The following SEC16A variants were observed in gnomAD, a reference collection of about 807,000 sequenced individuals.
SEC16A encodes protein transport protein Sec16A.
Under a neutral mutation model 221.9 loss-of-function variants are expected in SEC16A, and 110 were observed. That is an observed-to-expected ratio of 0.50 (90% CI 0.42 to 0.58). The LOEUF is 0.58. SEC16A is among the 20% of genes least tolerant of loss of function. The pLI, the probability that SEC16A is intolerant of heterozygous loss-of-function variation, is 0.00. For missense variants in SEC16A, 3,165 were observed against 3,097.8 expected, an observed-to-expected ratio of 1.02 and a Z score of -0.52; for synonymous variants, 1,393 against 1,257.7, an observed-to-expected ratio of 1.11 and a Z score of -2.28.
Position 136,466,089 on chromosome 9 carries a change from G to T in SEC16A, c.4176C>A (p.Ala1392=). Residue 1392 remains alanine (A), a synonymous_variant, in exon 8 of 32, where the codon GCC becomes GCA. Coordinates refer to ENST00000684901, the MANE Select transcript of SEC16A (RefSeq NM_014866.2). The surrounding 1 kb of genome is among the most constrained non-coding windows in gnomAD (Gnocchi z 5.5). ...SHNVAAGSYE[A]PLPPGSFHGD... is the part of the protein sequence containing the mutation. ...CGTGAAAGGAGCCTGGAGGAAGCGGGGCCTCGTAGGAACCGGCAGCCACAT... is the reference window on the plus strand; with the variant it reads ...CGTGAAAGGAGCCTGGAGGAAGCGGTGCCTCGTAGGAACCGGCAGCCACAT... The T allele has an allele frequency of 6.2e-7, 1 of 1,609,020 alleles. No homozygotes were observed. The highest frequency in any genetic ancestry group is 8.5e-7 in the Non-Finnish European group (1 of 1,176,768).
At position 136,476,848 on chromosome 9, in the gene SEC16A, T is replaced by C. The variant is rs765700555; in HGVS notation, c.768A>G (p.Leu256=). 1.4e-5 allele frequency: 22 copies of C among 1,612,516 alleles called. No individual in the cohort carries two copies. The Admixed American group carries it at 3.3e-4, about 24-fold the overall frequency. Residue 256 remains leucine (L), a synonymous_variant, in exon 3 of 32, where the codon CTA becomes CTG. Transcript: ENST00000684901. ...GTTGCTCATGACCAGGGCCCTGATG[T>C]AGGATGGACGGGGTGGGGAAATGAG... ...SVPHFPTPSI[L]HQGPGHEQHS...
Position 136,466,790 on chromosome 9 carries a change from C to A in SEC16A, c.3929+167G>T, listed in dbSNP as rs1349635205. On this transcript the variant is annotated intron_variant, in intron 6 of 31. Coordinates refer to ENST00000684901, the MANE Select transcript of SEC16A (RefSeq NM_014866.2). This position sits in a 1 kb window ranked among gnomAD's most constrained non-coding sequence, Gnocchi z 5.5. ...CCTCTAACAGTCCAAGCTGGGAACC[C>A]TGGGAGGGTCTGCTCCCTCCTTCCT... is the stretch of plus-strand genomic sequence containing the variant. Among the ~76,000 whole-genome samples, 2 of 152,196 alleles carry A rather than the reference C, an allele frequency of 1.3e-5. No individual in the cohort carries two copies. The highest frequency in any genetic ancestry group is 4.8e-5 in the African/African-American group (2 of 41,442).
At chr9:136,484,381 A>T, upstream of SEC16A, 1 of 1,189,094 alleles carries the variant, frequency 8.4e-7, no homozygotes. Flanking sequence ...ACAGGTGGGC[A>T]CTATCCTCTG....
In SEC16A at chr9:136,466,937, C is replaced by T; in HGVS notation, c.3929+20G>A. 2 of 1,608,574 alleles carry T rather than the reference C, an allele frequency of 1.2e-6. No individual in the cohort carries two copies. The highest frequency in any genetic ancestry group is 8.5e-7 in the Non-Finnish European group (1 of 1,177,878). Reference sequence around the variant, plus strand: ...CCTGGCTGCCCCCAGCCTCTGCCTCCCCAGGGGTGCTCCACCAACCTGTCC... The same window carrying T: ...CCTGGCTGCCCCCAGCCTCTGCCTCTCCAGGGGTGCTCCACCAACCTGTCC... On this transcript the variant is annotated intron_variant, in intron 6 of 31. Transcript: ENST00000684901. This position sits in a 1 kb window ranked among gnomAD's most constrained non-coding sequence, Gnocchi z 5.5.
At chr9:136,469,843 G>C (rs1427060745) in intron 4 of SEC16A, among the ~76,000 whole-genome samples, 1 of 152,236 alleles carries the variant, frequency 6.6e-6, no homozygotes, top group Non-Finnish European at 1.5e-5. Context: ...GGGTGGCATG[G>C]GGCCCGGCCC....
chr9:136,455,870 C>G, intron 19 of SEC16A, 77 bp from the exon 20 acceptor site: 1 of 1,414,722 alleles, frequency 7.1e-7, no homozygotes, highest in Non-Finnish European at 9.6e-7. Context: ...CACCACCGCG[C>G]TTGCTGTGTC....
chr9:136,457,696 A>T, intron 17 of SEC16A, 112 bp from the exon 18 acceptor site: 1 of 1,330,944 alleles, frequency 7.5e-7, no homozygotes, highest in South Asian at 1.4e-5. Flanking sequence ...TCGCCCTGTG[A>T]GCTGTGAACT....
chr9:136,476,231 A>G lies in SEC16A; in HGVS notation c.1385T>C (p.Leu462Ser). 1 of 1,613,596 alleles carries G rather than the reference A, an allele frequency of 6.2e-7. No homozygotes were observed. Among genetic ancestry groups the G allele is most frequent in the Non-Finnish European group, 8.5e-7 (1 of 1,179,880 alleles). The change falls in exon 3 of 32, where the codon TTA becomes TCA. Residue 462 changes from leucine (L) to serine (S), a missense_variant. Physicochemically the swap from Leu to Ser is moderately radical, Grantham distance 145. Transcript: ENST00000684901. ...AACTTCTTGATTCTGAACAAATTCT[A>G]AGTTCTCAACATTCTCATACTGCGA... Reference protein sequence around the residue: ...SGSQYENVENLEFVQNQEVLP... With the variant: ...SGSQYENVENSEFVQNQEVLP...
intron 12 of SEC16A, among the ~76,000 whole-genome samples, chr9:136,462,454 A>G (rs888905495): frequency 1.3e-5 from 2 of 152,126 alleles, no homozygotes; most frequent in African/African-American, 4.8e-5. Context: ...TCTCTTGCCC[A>G]TGGCCTTTCC....
At position 136,475,858 on chromosome 9, in the gene SEC16A, G is replaced by A. The variant is rs1841555590; in HGVS notation, c.1758C>T (p.Gly586=). The change falls in exon 3 of 32, where the codon GGC becomes GGT. Residue 586 remains glycine (G), a synonymous_variant. Transcript: ENST00000684901. This position sits in a 1 kb window ranked among gnomAD's most constrained non-coding sequence, Gnocchi z 5.0. The part of the protein sequence containing the change: ...DETTVSQNYR[G]SVSQPSTPSP... ...TCGGGGTTGAGGGCTGGGACACGCTGCCACGGTAATTCTGGCTCACAGTGG... is the reference window on the plus strand; with the variant it reads ...TCGGGGTTGAGGGCTGGGACACGCTACCACGGTAATTCTGGCTCACAGTGG... 1.3e-6 allele frequency: 2 copies of A among 1,593,958 alleles called. No individual in the cohort carries two copies. The highest frequency in any genetic ancestry group is 1.3e-5 in the African/African-American group (1 of 74,550).
intron 31 of SEC16A, 102 bp downstream of exon 31, chr9:136,443,721 G>A: frequency 1.3e-6 from 1 of 767,786 alleles, no homozygotes. Context: ...TAAAAAGAAA[G>A]AAAAAGAGGA....
chr9:136,451,445 C>T, intron 22 of SEC16A, 37 bp from the exon 23 acceptor site: 1 of 1,551,204 alleles, frequency 6.4e-7, no homozygotes. Flanking sequence ...TCTCCTGGGG[C>T]TCCTCACAGG....
intron 3 of SEC16A, 79 bp from the exon 4 acceptor site, chr9:136,472,190 A>C (rs1245687316): frequency 6.4e-7 from 1 of 1,558,872 alleles, no homozygotes; most frequent in Non-Finnish European, 8.8e-7. Context: ...AGCTGGAAAC[A>C]TTGCAGAGGG....
chr9:136,483,404 T>G (rs1589044047), upstream of SEC16A: 4 of 660,462 alleles, frequency 6.1e-6, no homozygotes, highest in African/African-American at 2.5e-5. Flanking sequence ...CCGTCGTCCG[T>G]CTTTCTCCGC....
rs1839176907 is a variant in SEC16A, at chr9:136,459,493, C to T, written c.5254G>A (p.Val1752Ile). 1.2e-6 allele frequency: 2 copies of T among 1,608,036 alleles called. No homozygotes were observed. Among genetic ancestry groups the T allele is most frequent in the African/African-American group, 1.3e-5 (1 of 74,840 alleles). The change falls in exon 16 of 32, where the codon GTT (valine) becomes ATT (isoleucine). Residue 1752 changes from valine to isoleucine, a missense_variant. Physicochemically the swap from Val to Ile is conservative, Grantham distance 29. Transcript: ENST00000684901. The surrounding 1 kb of genome is among the most constrained non-coding windows in gnomAD (Gnocchi z 6.1). ...AGCTTTGTAGTTTTCTTCGTGTAAA[C>T]ACCAAATCCCGCCTGGGCCATGAGG... ...CYLMAQAGFGVYTKKTTKLVL... is the reference protein window; with the variant it reads ...CYLMAQAGFGIYTKKTTKLVL...
chr9:136,475,547 G>C lies in SEC16A; in HGVS notation c.2069C>G (p.Pro690Arg), dbSNP rs371255911. The C allele has an allele frequency of 2.8e-5, 45 of 1,613,210 alleles. No homozygotes were observed. Among genetic ancestry groups the C allele is most frequent in the African/African-American group, 6.7e-5 (5 of 74,880 alleles). Residue 690 changes from proline to arginine, a missense_variant, in exon 3 of 32, where the codon CCG becomes CGG. Around this residue, in one of 3 missense-constraint regions of SEC16A, gnomAD observed 2,030 missense variants for 1,923.1 expected, o/e 1.06. Coordinates refer to ENST00000684901, the MANE Select transcript of SEC16A (RefSeq NM_014866.2). The surrounding 1 kb of genome is among the most constrained non-coding windows in gnomAD (Gnocchi z 5.0). ...NSTTEAVHML[P>R]HAGAPPLDTV... is the part of the protein sequence containing the mutation. ...ATCCAAGGGCGGTGCCCCTGCGTGC[G>C]GAAGCATGTGCACAGCTTCCGTGGT...
intron 22 of SEC16A, among the ~76,000 whole-genome samples, 159 bp downstream of exon 22, chr9:136,453,269 G>A (rs1838131009): frequency 6.6e-6 from 1 of 152,070 alleles, no homozygotes; most frequent in Admixed American, 6.6e-5. Context: ...CATATTTTAA[G>A]GATGAAAGCT....
In SEC16A at chr9:136,447,626, G is replaced by A; in HGVS notation, c.6502C>T (p.Pro2168Ser). 6.2e-7 allele frequency: 1 copy of A among 1,613,864 alleles called. No homozygotes were observed. Among genetic ancestry groups the A allele is most frequent in the Non-Finnish European group, 8.5e-7 (1 of 1,179,786 alleles). Residue 2168 changes from proline to serine, a missense_variant, in exon 26 of 32, where the codon CCG becomes TCG. This residue lies in a region of SEC16A where 1,088 missense variants were observed against 1,089.6 expected (regional missense o/e 1.00). Coordinates refer to ENST00000684901, the MANE Select transcript of SEC16A (RefSeq NM_014866.2). This position sits in a 1 kb window ranked among gnomAD's most constrained non-coding sequence, Gnocchi z 5.5. Reference sequence around the variant, plus strand: ...CCAGGAGGCCCTGGGAGGGCAGGCGGGGCAGCTTGCACAGTCTTGGGCATC... The same window carrying A: ...CCAGGAGGCCCTGGGAGGGCAGGCGAGGCAGCTTGCACAGTCTTGGGCATC... ...TSMPKTVQAA[P>S]PALPGPPGAP...
At chr9:136,454,581 G>C (rs541538851) in intron 20 of SEC16A, among the ~76,000 whole-genome samples, 2 of 152,218 alleles carry the variant, frequency 1.3e-5, no homozygotes, top group Admixed American at 6.5e-5. Context: ...GCGGGCTCCA[G>C]GGCCCGGCCC....
Sources: allele counts gnomAD v4.1 joint callset (sites outside exome capture counted in the v4.1 genomes callset), GRCh38; gene constraint gnomAD v4.1.1; regional missense constraint gnomAD v4.1.1; non-coding constraint Gnocchi (gnomAD v3.1); transcripts MANE v1.5; gene names NCBI Gene and HGNC (gene_info 2026-07-23, HGNC 2026-07-21).